The following CSMD3 variants were observed in gnomAD, a reference collection of about 807,000 sequenced individuals.
The protein encoded by CSMD3 is CUB and sushi domain-containing protein 3.
A neutral mutation model predicts 435.2 loss-of-function variants in CSMD3; 177 were observed. The ratio of observed to expected loss-of-function variants is 0.41; its 90% CI spans 0.36 to 0.46. The LOEUF is 0.46. Ranked by LOEUF, CSMD3 falls within the 20% of genes least tolerant of loss-of-function variation. The pLI, the probability that CSMD3 is intolerant of heterozygous loss-of-function variation, is 0.34. For missense variants in CSMD3, 4,265 were observed against 4,504.6 expected (o/e 0.95, Z 1.52); for synonymous variants, 1,656 against 1,520.5 (o/e 1.09, Z -2.07).
chr8:112,429,489 C>A (rs78275104), intron 32 of CSMD3, among the ~76,000 whole-genome samples: 2,115 of 151,994 alleles, frequency 0.014, 50 homozygotes, highest in African/African-American at 0.045. Context: ...TGAAAGACAG[C>A]CATTAAATAT....
chr8:113,132,205 CT>C (rs1206190900), intron 4 of CSMD3, among the ~76,000 whole-genome samples: 1 of 152,106 alleles, frequency 6.6e-6, no homozygotes, highest in Non-Finnish European at 1.5e-5. Flanking sequence ...ACACTTTGGA[CT>C]TGGTCTTTTG....
intron 1 of CSMD3, among the ~76,000 whole-genome samples, chr8:113,328,973 C>T (rs1418342681): frequency 2.0e-5 from 3 of 151,260 alleles, no homozygotes; most frequent in Non-Finnish European, 4.4e-5. Flanking sequence ...AATTCCTGGA[C>T]TCAACTGATC....
chr8:113,418,666 G>T (rs925955812), intron 1 of CSMD3, among the ~76,000 whole-genome samples: 3 of 152,106 alleles, frequency 2.0e-5, no homozygotes, highest in African/African-American at 4.8e-5. Context: ...AGAATCACTG[G>T]TTCCTCCACA....
At chr8:112,635,197 T>C (rs1196081582) in intron 22 of CSMD3, among the ~76,000 whole-genome samples, 1 of 152,076 alleles carries the variant, frequency 6.6e-6, no homozygotes, top group Non-Finnish European at 1.5e-5. Context: ...TTCGGAATGC[T>C]TCCTATATTC....
chr8:112,346,703 A>ATTTTTGTT (rs1825710215), intron 40 of CSMD3, among the ~76,000 whole-genome samples: 1 of 119,074 alleles, frequency 8.4e-6, no homozygotes, highest in African/African-American at 3.3e-5. Flanking sequence ...TTTTTGGAGA[A>ATTTTTGTT]GGAGTCTCTC....
chr8:112,989,609 A>T (rs1187518974), intron 6 of CSMD3, among the ~76,000 whole-genome samples: 1 of 152,114 alleles, frequency 6.6e-6, no homozygotes. Context: ...ATATGGTCAC[A>T]TATTCTTTGT....
At chr8:112,489,378 T>C (rs1012385528) in intron 31 of CSMD3, among the ~76,000 whole-genome samples, 3 of 152,174 alleles carry the variant, frequency 2.0e-5, no homozygotes, top group Admixed American at 1.3e-4. Flanking sequence ...TAAGCCACAA[T>C]TGCACCACTA....
intron 16 of CSMD3, among the ~76,000 whole-genome samples, chr8:112,669,179 C>A (rs2075598128): frequency 6.6e-6 from 1 of 151,768 alleles, no homozygotes; most frequent in Non-Finnish European, 1.5e-5. Flanking sequence ...ATTACAGGCA[C>A]ACACCACCAC....
chr8:113,385,949 A>T (rs1224208066), intron 1 of CSMD3, among the ~76,000 whole-genome samples: 6 of 152,092 alleles, frequency 3.9e-5, no homozygotes, highest in Admixed American at 3.9e-4. Context: ...TACGTGCATT[A>T]AATTTTATTT....
chr8:112,836,553 A>G (rs1316683649), intron 11 of CSMD3, among the ~76,000 whole-genome samples: 2 of 151,806 alleles, frequency 1.3e-5, no homozygotes, highest in Non-Finnish European at 1.5e-5. Flanking sequence ...GCTTTTGCAA[A>G]ATGATTTCTT....
At chr8:112,955,050 T>C (rs552121501) in intron 7 of CSMD3, among the ~76,000 whole-genome samples, 1 of 151,696 alleles carries the variant, frequency 6.6e-6, no homozygotes, top group African/African-American at 2.4e-5. Context: ...AGTGAAATCT[T>C]AGCAGTTTAT....
intron 32 of CSMD3, among the ~76,000 whole-genome samples, chr8:112,461,252 C>T (rs547597071): frequency 6.6e-6 from 1 of 152,190 alleles, no homozygotes; most frequent in Admixed American, 6.5e-5. Flanking sequence ...CTGTGGCATG[C>T]TGTGTGCTTT....
chr8:113,184,040 C>G (rs1429768154), intron 3 of CSMD3, among the ~76,000 whole-genome samples: 2 of 152,164 alleles, frequency 1.3e-5, no homozygotes, highest in Middle Eastern at 3.4e-3. Context: ...GTCTGGGCCT[C>G]TGGAACCTTT....
chr8:112,978,737 T>G (rs2084942123), intron 6 of CSMD3, among the ~76,000 whole-genome samples: 1 of 151,978 alleles, frequency 6.6e-6, no homozygotes, highest in South Asian at 2.1e-4. Context: ...TATGTTTTAC[T>G]TATATATTGT....
intron 18 of CSMD3, among the ~76,000 whole-genome samples, chr8:112,655,060 A>C (rs2075223533): frequency 1.3e-5 from 2 of 152,168 alleles, no homozygotes; most frequent in Admixed American, 6.6e-5. Flanking sequence ...CACAAAGCTC[A>C]AAATAATGGG....
Position 112,472,664 on chromosome 8 carries a change from T to C in CSMD3, c.5322A>G (p.Leu1774=), listed in dbSNP as rs1818640786. The C allele has an allele frequency of 2.5e-6, 4 of 1,612,260 alleles. No homozygotes were observed. The highest frequency in any genetic ancestry group is 3.4e-6 in the Non-Finnish European group (4 of 1,178,626). ...TGTAATTTTTTGGATAGTTTGGTGA[T>C]AGAACAGTGCCTTCTGAACCTGTTG... is the stretch of plus-strand genomic sequence containing the variant. ...SRSTGSEGTV[L]SPNYPKNYSV... Residue 1774 remains leucine, a synonymous_variant, in exon 32 of 71, where the codon CTA becomes CTG. Coordinates refer to ENST00000297405, the MANE Select transcript of CSMD3 (RefSeq NM_198123.2).
At chr8:112,731,657 T>C (rs1399103460) in intron 13 of CSMD3, among the ~76,000 whole-genome samples, 2 of 152,132 alleles carry the variant, frequency 1.3e-5, no homozygotes, top group African/African-American at 2.4e-5. Context: ...CCAATCCTTA[T>C]TGCATTTGCC....
rs900092841 is a variant in CSMD3, at chr8:113,196,004, A to G, written c.515-22088T>C. Among the ~76,000 whole-genome samples the G allele has an allele frequency of 2.7e-5, 4 of 150,686 alleles. No individual in the cohort carries two copies. In the East Asian group the frequency reaches 5.9e-4, roughly 22 times the overall value. Reference sequence around the variant, plus strand: ...ATGAGGAAAGGTGTCATCCTTGCCAAATGCCTTCAGTTAATTTATTAGGAA... The same window carrying G: ...ATGAGGAAAGGTGTCATCCTTGCCAGATGCCTTCAGTTAATTTATTAGGAA... On this transcript the variant is annotated intron_variant, in intron 3 of 70. Coordinates refer to ENST00000297405, the MANE Select transcript of CSMD3 (RefSeq NM_198123.2).
At chr8:113,392,845 A>C (rs910060990) in intron 1 of CSMD3, among the ~76,000 whole-genome samples, 6 of 152,016 alleles carry the variant, frequency 3.9e-5, no homozygotes, top group African/African-American at 1.4e-4. Flanking sequence ...GCAAGGAGAC[A>C]GCAACTGAGG....
Sources: allele counts gnomAD v4.1 joint callset (sites outside exome capture counted in the v4.1 genomes callset), GRCh38; gene constraint gnomAD v4.1.1; transcripts MANE v1.5; gene names NCBI Gene and HGNC (gene_info 2026-07-23, HGNC 2026-07-21).